LZTFL1: variants seen among roughly 807,000 people sequenced by gnomAD.
The protein encoded by LZTFL1 is leucine zipper transcription factor-like protein 1.
A neutral mutation model predicts 45.9 loss-of-function variants in LZTFL1; 25 were observed. The ratio of observed to expected loss-of-function variants is 0.54; its 90% confidence interval spans 0.40 to 0.76. LZTFL1 has a LOEUF of 0.76. Among genes scored for constraint, LZTFL1 ranks in the 30% least tolerant of loss-of-function variants. The pLI is 0.00. For missense variants in LZTFL1, 277 were observed against 331.1 expected (o/e 0.84, Z 1.27); for synonymous variants, 93 against 117.4 (o/e 0.79, Z 1.35).
At chr3:45,863,182 C>T (rs929527031) in intron 2 of LZTFL1, among the ~76,000 whole-genome samples, 8 of 152,158 alleles carry the variant, frequency 5.3e-5, no homozygotes, top group African/African-American at 7.2e-5. Context: ...AAGAAAAGTG[C>T]GTCTAATGTC....
intron 1 of LZTFL1, among the ~76,000 whole-genome samples, chr3:45,914,339 T>G (rs1575315639): frequency 6.7e-6 from 1 of 149,920 alleles, no homozygotes; most frequent in East Asian, 2.0e-4. Flanking sequence ...CAGGCTGGAG[T>G]GCAGTGGGGC....
chr3:45,890,256 G>GAAATATATATATATTTATAT lies in LZTFL1; in HGVS notation c.-215+22863_-215+22864insATATAAATATATATATATTT, dbSNP rs1402612474. Among the ~76,000 whole-genome samples the GAAATATATATATATTTATAT allele has an allele frequency of 1.9e-4, 4 of 20,972 alleles. 1 individual carries two copies. The highest frequency in any genetic ancestry group is 8.4e-4 in the Admixed American group (1 of 1,194). 13.8% of individuals were successfully genotyped at this position (20,972 alleles called of 152,430 possible). ...GAGGTGACATAAGCCCTGGGTATTA[G>GAAATATATATATATTTATAT]AAATATATATATAACATATATATAT... On this transcript the variant is annotated intron_variant, in intron 2 of 4. Coordinates refer to the LZTFL1 transcript ENST00000472635.
intron 4 of LZTFL1, among the ~76,000 whole-genome samples, chr3:45,853,572 G>A (rs1701340286): frequency 6.6e-6 from 1 of 152,088 alleles, no homozygotes; most frequent in Non-Finnish European, 1.5e-5. Flanking sequence ...TTGCTCTACT[G>A]ATTCGCAAGA....
intron 1 of LZTFL1, chr3:45,841,618 T>C: frequency 3.1e-6 from 1 of 323,918 alleles, no homozygotes; most frequent in Non-Finnish European, 5.9e-6. Context: ...GTGCGTAAAC[T>C]TGGAGCTTCT....
At chr3:45,894,996 T>G in intron 2 of LZTFL1, 1 of 1,596,742 alleles carries the variant, frequency 6.3e-7, no homozygotes, top group Non-Finnish European at 8.6e-7. Flanking sequence ...AAACACACAC[T>G]CATCTTCCCT....
chr3:45,871,156 C>T (rs1701665114), intron 2 of LZTFL1, among the ~76,000 whole-genome samples: 2 of 152,206 alleles, frequency 1.3e-5, no homozygotes, highest in African/African-American at 4.8e-5. Flanking sequence ...ATAAGCAAGG[C>T]AGCCATGATC....
intron 6 of LZTFL1, 31 bp downstream of exon 6, chr3:45,831,042 C>T: frequency 6.2e-7 from 1 of 1,603,756 alleles, no homozygotes; most frequent in Non-Finnish European, 8.5e-7. Context: ...GTAGGCAGTT[C>T]AATAATTGTG....
At chr3:45,873,313 AGG>A (rs1701699099) in intron 2 of LZTFL1, among the ~76,000 whole-genome samples, 1 of 152,176 alleles carries the variant, frequency 6.6e-6, no homozygotes, top group Non-Finnish European at 1.5e-5. Flanking sequence ...TTGTACTGGG[AGG>A]TTTTAAATAA....
In LZTFL1 at chr3:45,856,649, T is replaced by C. The variant is rs148502981; in HGVS notation, c.-137-1575A>G. Among the ~76,000 whole-genome samples the C allele has an allele frequency of 9.2e-3, 1,407 of 152,172 alleles. 13 individuals carry two copies. Among genetic ancestry groups the C allele is most frequent in the African/African-American group, 0.029 (1,222 of 41,506 alleles). On this transcript the variant is annotated intron_variant, in intron 3 of 4. Coordinates refer to the LZTFL1 transcript ENST00000472635. ...ATCGATCCATCTAACAAAGGTCTAA[T>C]ATCCAAAATCTACAAGGAACTTAAA...
chr3:45,882,978 T>A (rs925766888), intron 2 of LZTFL1, among the ~76,000 whole-genome samples: 11 of 152,106 alleles, frequency 7.2e-5, no homozygotes, highest in Non-Finnish European at 1.6e-4. Context: ...GAGAATGAAG[T>A]CTCAGTTTAG....
At chr3:45,897,468 G>C in intron 2 of LZTFL1, 1 of 771,170 alleles carries the variant, frequency 1.3e-6, no homozygotes, top group South Asian at 1.5e-5. Context: ...AGTCTTGGGA[G>C]TGTTAGCTGT....
intron 2 of LZTFL1, among the ~76,000 whole-genome samples, chr3:45,874,421 T>C (rs1200627690): frequency 6.6e-6 from 1 of 152,210 alleles, no homozygotes; most frequent in Non-Finnish European, 1.5e-5. Context: ...CATTTTGCTA[T>C]GGGGAGTGTA....
At chr3:45,854,818 A>G (rs1262993752) in intron 4 of LZTFL1, among the ~76,000 whole-genome samples, 1 of 152,236 alleles carries the variant, frequency 6.6e-6, no homozygotes, top group Non-Finnish European at 1.5e-5. Flanking sequence ...TGCTTCCAGC[A>G]CATCCTAGGA....
chr3:45,827,920 C>A (rs1700711293), intron 8 of LZTFL1, among the ~76,000 whole-genome samples: 2 of 151,876 alleles, frequency 1.3e-5, no homozygotes, highest in African/African-American at 2.4e-5. Flanking sequence ...CCAGGCTGGT[C>A]TTGAACTCCT....
In LZTFL1 at chr3:45,901,784, G is replaced by T. The variant is rs1413798666; in HGVS notation, c.-215+11336C>A. Reference sequence around the variant, plus strand: ...TCCGCCGGGATCTCGTGAAAACCCTGAAGAACTTGGGTTGCATCAGCCAGG... The same window carrying T: ...TCCGCCGGGATCTCGTGAAAACCCTTAAGAACTTGGGTTGCATCAGCCAGG... On this transcript the variant is annotated intron_variant, in intron 2 of 4. Coordinates refer to the LZTFL1 transcript ENST00000472635. The surrounding 1 kb of genome is among the most constrained non-coding windows in gnomAD (Gnocchi z 4.3). The T allele has an allele frequency of 6.2e-7, 1 of 1,614,174 alleles. No homozygotes were observed.
chr3:45,883,913 G>A, intron 2 of LZTFL1: 1 of 479,670 alleles, frequency 2.1e-6, no homozygotes, highest in Non-Finnish European at 3.9e-6. Flanking sequence ...CCTCTCACTA[G>A]TCCAGTGGAC....
At chr3:45,865,527 A>G (rs1336961085) in intron 2 of LZTFL1, among the ~76,000 whole-genome samples, 3 of 152,280 alleles carry the variant, frequency 2.0e-5, no homozygotes, top group African/African-American at 7.2e-5. Flanking sequence ...CCAAACTTTT[A>G]ATGATAAATA....
At chr3:45,843,041 A>C (rs1207890799), upstream of LZTFL1, among the ~76,000 whole-genome samples, 1 of 152,222 alleles carries the variant, frequency 6.6e-6, no homozygotes, top group African/African-American at 2.4e-5. Context: ...CCTGTGTGTC[A>C]CCTGGAGCAT....
In LZTFL1 at chr3:45,827,353, T is replaced by TACTGTGCCAC. The variant is rs769571250; in HGVS notation, c.881+2_881+3insGTGGCACAGT. On this transcript the variant is annotated splice_region_variant and intron_variant, in intron 9 of 9. Transcript: ENST00000296135. The stretch of plus-strand genomic sequence containing the variant: ...ATCCAAAGGCGGGATCAGTGTGGCT[T>TACTGTGCCAC]ACTGTGCCAGTCTTTTCCTCAGATC... 3.1e-6 allele frequency: 5 copies of TACTGTGCCAC among 1,598,042 alleles called. No individual in the cohort carries two copies. The highest frequency in any genetic ancestry group is 4.3e-6 in the Non-Finnish European group (5 of 1,165,468).
Sources: gnomAD v4.1 joint callset for allele counts (sites outside exome capture counted in the v4.1 genomes callset) on GRCh38, gnomAD v4.1.1 for gene constraint, Gnocchi (gnomAD v3.1) non-coding constraint, MANE v1.5 for transcripts, NCBI Gene and HGNC (gene_info 2026-07-23, HGNC 2026-07-21) for gene names.